Variants in TSPAN9 observed in about 807,000 individuals in gnomAD.
TSPAN9 encodes tetraspanin 9.
Under a neutral mutation model 31.0 loss-of-function variants are expected in TSPAN9, and 16 were observed. The ratio of observed to expected loss-of-function variants is 0.52; its 90% confidence interval spans 0.35 to 0.78. The LOEUF (loss-of-function observed/expected upper bound fraction) is 0.78, where lower values mean the gene tolerates loss of function less well. Among genes scored for constraint, TSPAN9 ranks in the 30% least tolerant of loss-of-function variants. TSPAN9 has a pLI of 0.01. For missense variants in TSPAN9, 272 were observed against 312.5 expected (o/e 0.87, Z 0.98); for synonymous variants, 145 against 121.6 (o/e 1.19, Z -1.27).
intron 2 of TSPAN9, among the ~76,000 whole-genome samples, chr12:3,195,208 A>C (rs2098366476): frequency 6.6e-6 from 1 of 152,140 alleles, no homozygotes; most frequent in African/African-American, 2.4e-5. Flanking sequence ...GGGCTGGCCC[A>C]TTGGTTCTGA....
intron 2 of TSPAN9, among the ~76,000 whole-genome samples, chr12:3,114,432 T>C (rs891186874): frequency 6.6e-6 from 1 of 152,140 alleles, no homozygotes; most frequent in African/African-American, 2.4e-5. Flanking sequence ...CAGTGCGTGG[T>C]GTATAGCATG....
At chr12:3,232,452 C>T (rs2098391245) in intron 3 of TSPAN9, among the ~76,000 whole-genome samples, 2 of 152,146 alleles carry the variant, frequency 1.3e-5, no homozygotes, top group African/African-American at 4.8e-5. Context: ...ACCAAAAGCC[C>T]ATCCCCTGCC....
At chr12:3,263,922 G>A (rs1417506581) in intron 3 of TSPAN9, among the ~76,000 whole-genome samples, 1 of 152,188 alleles carries the variant, frequency 6.6e-6, no homozygotes, top group Non-Finnish European at 1.5e-5. Context: ...CATGCCGTGA[G>A]CGGGTCTGGA....
chr12:3,256,325 C>T (rs1218499278), intron 3 of TSPAN9, among the ~76,000 whole-genome samples: 1 of 152,242 alleles, frequency 6.6e-6, no homozygotes, highest in Admixed American at 6.5e-5. Context: ...CTCAACTCAT[C>T]AGAGATGACA....
chr12:3,281,259 T>C lies in TSPAN9; in HGVS notation c.494T>C (p.Val165Ala). 1 of 1,551,244 alleles carries C rather than the reference T, an allele frequency of 6.4e-7. No individual in the cohort carries two copies. The highest frequency in any genetic ancestry group is 8.7e-7 in the Non-Finnish European group (1 of 1,146,932). ...TACCCAGTGCTGGGGGAGAACACGG[T>C]TCCCGACCGCTGCTGCATGGAGAAC... ...DWYPVLGENT[V>A]PDRCCMENSQ... Residue 165 changes from valine (V) to alanine (A), a missense_variant, in exon 7 of 9, where the codon GTT becomes GCT. Transcript: ENST00000011898.
rs2153967925 is a variant in TSPAN9 at position 3,143,192 on chromosome 12, A to G, written c.-17-57985A>G. 6.6e-6 allele frequency among the ~76,000 whole-genome samples: 1 copy of G among 151,256 alleles called. No individual in the cohort carries two copies. The highest frequency in any genetic ancestry group is 1.5e-5 in the Non-Finnish European group (1 of 67,918). On this transcript the variant is annotated intron_variant, in intron 2 of 8. Transcript: ENST00000011898. This position sits in a 1 kb window ranked among gnomAD's most constrained non-coding sequence, Gnocchi z 4.2. ...ATGCCCTGCTCACTTGGAGAAGGTG[A>G]TGTCTGCCAGGTATCTCCCGTATAT...
intron 2 of TSPAN9, among the ~76,000 whole-genome samples, chr12:3,093,012 G>A (rs991504564): frequency 6.6e-6 from 1 of 152,230 alleles, no homozygotes; most frequent in Non-Finnish European, 1.5e-5. Context: ...AGGAGCTCAC[G>A]TTCTGATGTT....
intron 2 of TSPAN9, among the ~76,000 whole-genome samples, chr12:3,146,803 G>A (rs73050170): frequency 2.6e-5 from 4 of 152,006 alleles, no homozygotes; most frequent in Admixed American, 6.5e-5. Context: ...CTGCTTGTGC[G>A]TCTGGACATT....
intron 2 of TSPAN9, among the ~76,000 whole-genome samples, chr12:3,196,783 C>A (rs1053038700): frequency 1.3e-5 from 2 of 152,186 alleles, no homozygotes; most frequent in Non-Finnish European, 2.9e-5. Flanking sequence ...GTTTCCCCTA[C>A]CTGCTGGGGA....
At chr12:3,213,813 A>C (rs183189740) in intron 3 of TSPAN9, among the ~76,000 whole-genome samples, 1 of 152,246 alleles carries the variant, frequency 6.6e-6, no homozygotes, top group Non-Finnish European at 1.5e-5. Context: ...TTCCCACCTA[A>C]ATGGAGACTT....
intron 2 of TSPAN9, among the ~76,000 whole-genome samples, chr12:3,101,858 C>T (rs979414752): frequency 1.3e-5 from 2 of 152,176 alleles, no homozygotes; most frequent in African/African-American, 2.4e-5. Context: ...CGAAGCCTGG[C>T]GGCCTTGCTG....
intron 3 of TSPAN9, among the ~76,000 whole-genome samples, chr12:3,218,962 T>C (rs2098382843): frequency 6.6e-6 from 1 of 152,112 alleles, no homozygotes; most frequent in Non-Finnish European, 1.5e-5. Flanking sequence ...ATGTCAGCTG[T>C]CAGGGCCACT....
chr12:3,103,740 T>C (rs1295949241), intron 2 of TSPAN9, among the ~76,000 whole-genome samples: 1 of 152,128 alleles, frequency 6.6e-6, no homozygotes, highest in Non-Finnish European at 1.5e-5. Flanking sequence ...AGGGCTTGTG[T>C]TTCTGGTCCC....
At chr12:3,268,802 C>G (rs1165763531) in intron 3 of TSPAN9, among the ~76,000 whole-genome samples, 12 of 48,654 alleles carry the variant, frequency 2.5e-4, no homozygotes, top group Non-Finnish European at 4.4e-4. Flanking sequence ...CCTGCCCTCT[C>G]TGTGTTCCTG....
At chr12:3,081,955 T>C (rs2098298161) in intron 1 of TSPAN9, among the ~76,000 whole-genome samples, 1 of 151,458 alleles carries the variant, frequency 6.6e-6, no homozygotes, top group African/African-American at 2.4e-5. Flanking sequence ...CATGATTGTG[T>C]CACTGCACTC....
At chr12:3,199,259 G>A (rs1349894683) in intron 2 of TSPAN9, among the ~76,000 whole-genome samples, 1 of 152,184 alleles carries the variant, frequency 6.6e-6, no homozygotes, top group Non-Finnish European at 1.5e-5. Flanking sequence ...CCTGTGGTAG[G>A]GGATGGGGTT....
At chr12:3,189,988 T>C (rs912595256) in intron 2 of TSPAN9, among the ~76,000 whole-genome samples, 1 of 152,198 alleles carries the variant, frequency 6.6e-6, no homozygotes, top group African/African-American at 2.4e-5. Flanking sequence ...GAGTGGAACA[T>C]GCACAGGCTC....
chr12:3,096,697 TTC>T (rs1287066819), intron 2 of TSPAN9, among the ~76,000 whole-genome samples: 4 of 151,306 alleles, frequency 2.6e-5, no homozygotes, highest in Non-Finnish European at 1.5e-5. Flanking sequence ...CTTTCTTTCT[TTC>T]TTTTTTTTTT....
At chr12:3,195,405 T>C (rs1013418467) in intron 2 of TSPAN9, among the ~76,000 whole-genome samples, 7 of 152,162 alleles carry the variant, frequency 4.6e-5, no homozygotes, top group African/African-American at 1.7e-4. Flanking sequence ...CTGAGAATGC[T>C]GTAGTTACTT....
Sources: allele counts gnomAD v4.1 joint callset (sites outside exome capture counted in the v4.1 genomes callset), GRCh38; gene constraint gnomAD v4.1.1; non-coding constraint Gnocchi (gnomAD v3.1); transcripts MANE v1.5; gene names NCBI Gene and HGNC (gene_info 2026-07-23, HGNC 2026-07-21).